Variants in TUSC3 observed in about 807,000 individuals in gnomAD.
TUSC3 encodes dolichyl-diphosphooligosaccharide--protein glycosyltransferase subunit TUSC3.
Under a neutral mutation model 44.8 loss-of-function variants are expected in TUSC3, and 45 were observed. That is an observed-to-expected ratio of 1.00 (90% CI 0.79 to 1.29). The LOEUF is 1.29. TUSC3 is among the 50% of genes most tolerant of loss of function. The pLI is 0.00. For missense variants in TUSC3, 519 were observed against 437.9 expected, an observed-to-expected ratio of 1.19 and a Z score of -1.65; for synonymous variants, 212 against 152.9, an observed-to-expected ratio of 1.39 and a Z score of -2.85.
intron 1 of TUSC3, among the ~76,000 whole-genome samples, chr8:15,462,886 C>A (rs539374792): frequency 2.6e-5 from 4 of 152,158 alleles, no homozygotes; most frequent in East Asian, 3.9e-4. Context: ...AGAATTTACT[C>A]TTTTATAGCA....
intron 1 of TUSC3, among the ~76,000 whole-genome samples, chr8:15,599,568 A>G (rs757284690): frequency 3.1e-4 from 47 of 151,722 alleles, no homozygotes; most frequent in Non-Finnish European, 5.2e-4. Context: ...TTTGCATTTC[A>G]CATTAGGTCT....
At chr8:15,770,369 G>A (rs115478622), downstream of TUSC3, among the ~76,000 whole-genome samples, 976 of 152,194 alleles carry the variant, frequency 6.4e-3, 9 homozygotes, top group African/African-American at 0.023. Flanking sequence ...GAGAACGCAT[G>A]GACACACGGA....
intron 6 of TUSC3, among the ~76,000 whole-genome samples, chr8:15,710,655 A>G (rs958584640): frequency 1.6e-4 from 24 of 151,770 alleles, no homozygotes; most frequent in African/African-American, 5.8e-4. Flanking sequence ...ATTGCAGAAA[A>G]TGGGACCTAG....
chr8:15,572,897 A>C (rs560145284), intron 1 of TUSC3, among the ~76,000 whole-genome samples: 2 of 152,082 alleles, frequency 1.3e-5, no homozygotes, highest in African/African-American at 4.8e-5. Context: ...ACAATCACAA[A>C]AGTGACATCA....
the TUSC3 span, among the ~76,000 whole-genome samples, chr8:15,813,128 G>A: frequency 2.0e-5 from 3 of 151,906 alleles, no homozygotes; most frequent in Non-Finnish European, 4.4e-5. Flanking sequence ...AGGAAAAAAT[G>A]CTGCCATTGA....
chr8:15,775,751 T>C, the TUSC3 span, among the ~76,000 whole-genome samples: 1 of 2,336 alleles, frequency 4.3e-4, no homozygotes, highest in Non-Finnish European at 2.4e-3. Context: ...TATTACACTA[T>C]ATATATATAT....
chr8:15,493,029 C>G (rs1395937710), intron 2 of TUSC3, among the ~76,000 whole-genome samples: 1 of 152,046 alleles, frequency 6.6e-6, no homozygotes, highest in Non-Finnish European at 1.5e-5. Context: ...ATAGTGGCTA[C>G]CACTTATTAA....
intron 2 of TUSC3, among the ~76,000 whole-genome samples, chr8:15,488,974 T>C (rs1800771254): frequency 6.6e-6 from 1 of 152,198 alleles, no homozygotes. Flanking sequence ...CTCAGTCTCT[T>C]GGCTATTCAG....
chr8:15,638,829 G>A (rs924423445), intron 2 of TUSC3, among the ~76,000 whole-genome samples: 2 of 152,114 alleles, frequency 1.3e-5, no homozygotes, highest in African/African-American at 4.8e-5. Flanking sequence ...CCTGGCTGAG[G>A]ACAAATACTA....
intron 5 of TUSC3, among the ~76,000 whole-genome samples, chr8:15,666,482 T>G (rs1563162243): frequency 6.6e-6 from 1 of 151,358 alleles, no homozygotes; most frequent in African/African-American, 2.4e-5. Context: ...CATTGGAGAT[T>G]AGTATATGTC....
chr8:15,479,143 T>C lies in TUSC3; in HGVS notation n.92-4243T>C, dbSNP rs369394886. Among the ~76,000 whole-genome samples the C allele has an allele frequency of 5.6e-4, 85 of 152,306 alleles. 1 individual carries two copies. The South Asian group carries it at 0.016, about 29-fold the overall frequency. ...TTAATGGGGTTGTTTGATTTTTTTC[T>C]TGTATATTTGTTTAAGTTCTTTGTA... is the stretch of plus-strand genomic sequence containing the variant. On this transcript the variant is annotated intron_variant and non_coding_transcript_variant, in intron 1 of 5. Transcript: ENST00000503191.
At chr8:15,646,865 A>T (rs966086104) in intron 2 of TUSC3, among the ~76,000 whole-genome samples, 4 of 152,128 alleles carry the variant, frequency 2.6e-5, no homozygotes, top group Admixed American at 2.0e-4. Flanking sequence ...CATTCTTGTT[A>T]TGATAGGTAT....
intron 9 of TUSC3, among the ~76,000 whole-genome samples, chr8:15,757,370 C>G (rs1280664682): frequency 6.6e-6 from 1 of 152,014 alleles, no homozygotes; most frequent in Non-Finnish European, 1.5e-5. Flanking sequence ...GGCATTCATA[C>G]CAATTTTGAA....
At chr8:15,475,552 C>T (rs766019820) in intron 1 of TUSC3, among the ~76,000 whole-genome samples, 5 of 151,988 alleles carry the variant, frequency 3.3e-5, no homozygotes, top group African/African-American at 4.8e-5. Flanking sequence ...ATTGTTTAAC[C>T]CTGTACAGAT....
intron 2 of TUSC3, among the ~76,000 whole-genome samples, chr8:15,521,995 G>A (rs963066532): frequency 6.6e-6 from 1 of 152,194 alleles, no homozygotes; most frequent in African/African-American, 2.4e-5. Context: ...TCAAACTACT[G>A]GGGTTAGAAA....
At chr8:15,623,382 A>G in intron 2 of TUSC3, 133 bp downstream of exon 2, 1 of 951,448 alleles carries the variant, frequency 1.1e-6, no homozygotes, top group South Asian at 2.9e-5. Flanking sequence ...GCATTTAAAA[A>G]TAAGCTGAAA....
Position 15,540,294 on chromosome 8 carries a change from C to T in TUSC3, c.-137C>T, listed in dbSNP as rs1220242331. On this transcript the variant is annotated 5_prime_UTR_variant, in exon 1 of 11. Coordinates refer to ENST00000503731, the MANE Select transcript of TUSC3 (RefSeq NM_006765.4). ...CTCCTCTGCGTCCTCGGCCGCGGCCCGGGTCCCTCGCAAAGCCGCTGCCAT... is the reference window on the plus strand; with the variant it reads ...CTCCTCTGCGTCCTCGGCCGCGGCCTGGGTCCCTCGCAAAGCCGCTGCCAT... The T allele has an allele frequency of 2.5e-5, 31 of 1,245,718 alleles. No homozygotes were observed. The highest frequency in any genetic ancestry group is 3.1e-5 in the Non-Finnish European group (30 of 961,948). 77.2% of individuals were successfully genotyped at this position (1,245,718 alleles called of 1,614,324 possible).
At chr8:15,529,457 A>G (rs181826886) in intron 2 of TUSC3, among the ~76,000 whole-genome samples, 12 of 152,312 alleles carry the variant, frequency 7.9e-5, no homozygotes, top group Admixed American at 3.3e-4. Flanking sequence ...AGACATAGCA[A>G]TTTGAAATTT....
chr8:15,831,189 C>T, the TUSC3 span, among the ~76,000 whole-genome samples: 10 of 152,276 alleles, frequency 6.6e-5, no homozygotes, highest in South Asian at 8.3e-4. Flanking sequence ...GGGAGCTGAG[C>T]GTTGACCCCC....
Sources: allele counts gnomAD v4.1 joint callset (sites outside exome capture counted in the v4.1 genomes callset), GRCh38; gene constraint gnomAD v4.1.1; transcripts MANE v1.5; gene names NCBI Gene and HGNC (gene_info 2026-07-23, HGNC 2026-07-21).